Variants in TBC1D19 observed in about 807,000 individuals in gnomAD.
TBC1D19 encodes TBC1 domain family, member 19.
Under a neutral mutation model 89.0 loss-of-function variants are expected in TBC1D19, and 60 were observed. That is an observed-to-expected ratio of 0.67 (90% CI 0.55 to 0.84). The LOEUF (loss-of-function observed/expected upper bound fraction) is 0.84, where lower values mean the gene tolerates loss of function less well. Among genes scored for constraint, TBC1D19 ranks in the 40% least tolerant of loss-of-function variants. The probability of loss-of-function intolerance (pLI) is 0.00; values close to 1 mark genes in which losing one functional copy is unlikely to be tolerated. For missense variants in TBC1D19, 500 were observed against 610.8 expected (o/e 0.82, Z 1.91); for synonymous variants, 189 against 199.7 (o/e 0.95, Z 0.45).
rs1173641270 is a variant in TBC1D19 at position 26,604,148 on chromosome 4, CTTTTTTTT to C, written c.100-9005_100-8998del. Among the ~76,000 whole-genome samples the C allele has an allele frequency of 5.7e-3, 694 of 120,700 alleles. 5 individuals carry two copies. The highest frequency in any genetic ancestry group is 0.025 in the African/African-American group (674 of 27,506). 79.2% of individuals were successfully genotyped at this position (120,700 alleles called of 152,430 possible). On this transcript the variant is annotated intron_variant, in intron 1 of 20. Transcript: ENST00000264866. Reference sequence around the variant, plus strand: ...TAACATGTGTCAGAATTTTCTTTTTCTTTTTTTTTTTTTTTTTTTTTTTGAGACGGAGT... The same window carrying C: ...TAACATGTGTCAGAATTTTCTTTTTCTTTTTTTTTTTTTTTGAGACGGAGT...
upstream of TBC1D19, among the ~76,000 whole-genome samples, chr4:26,583,031 T>C (rs567673452): frequency 2.6e-5 from 4 of 152,240 alleles, no homozygotes; most frequent in Non-Finnish European, 5.9e-5. Context: ...CTACATTTGA[T>C]TGAATGAGAT....
At chr4:26,577,097 G>T (rs1476086226) in intron 1 of TBC1D19, among the ~76,000 whole-genome samples, 1 of 152,180 alleles carries the variant, frequency 6.6e-6, no homozygotes, top group Non-Finnish European at 1.5e-5. Flanking sequence ...CTTCCTTAAA[G>T]CTGGAACATA....
intron 15 of TBC1D19, among the ~76,000 whole-genome samples, chr4:26,723,384 C>T (rs1422652658): frequency 6.6e-6 from 1 of 152,152 alleles, no homozygotes; most frequent in Non-Finnish European, 1.5e-5. Flanking sequence ...ACTACTACCA[C>T]CAAAACTGTT....
intron 7 of TBC1D19, among the ~76,000 whole-genome samples, chr4:26,655,975 C>T (rs544951800): frequency 1.8e-3 from 271 of 152,278 alleles, no homozygotes; most frequent in African/African-American, 6.2e-3. Context: ...ACGCTGGGAG[C>T]TGTAGACTGG....
rs192140941 is a variant in TBC1D19 at position 26,632,926 on chromosome 4, G to T, written c.295-4285G>T. ...TGGAAGCAGTCATCTCCATCAAGTT[G>T]TTTTTAATTAACTTCCTCTGGTGTG... On this transcript the variant is annotated intron_variant, in intron 4 of 20. Transcript: ENST00000264866. 1.9e-4 allele frequency among the ~76,000 whole-genome samples: 29 copies of T among 152,198 alleles called. No individual in the cohort carries two copies. In the East Asian group the frequency reaches 5.2e-3, roughly 27 times the overall value.
the TBC1D19 span, among the ~76,000 whole-genome samples, chr4:26,796,782 G>T: frequency 6.6e-6 from 1 of 152,098 alleles, no homozygotes; most frequent in Non-Finnish European, 1.5e-5. Context: ...TTTCAAATAG[G>T]ATGAAAATGA....
At chr4:26,812,404 C>T in the TBC1D19 span, among the ~76,000 whole-genome samples, 2 of 152,156 alleles carry the variant, frequency 1.3e-5, no homozygotes, top group Non-Finnish European at 2.9e-5. The surrounding 1 kb of genome is among the most constrained non-coding windows in gnomAD (Gnocchi z 4.2). Context: ...TTACCATGAA[C>T]GATCCCCACG....
chr4:26,638,478 T>C (rs1301903845), intron 5 of TBC1D19, among the ~76,000 whole-genome samples: 2 of 152,176 alleles, frequency 1.3e-5, no homozygotes, highest in African/African-American at 2.4e-5. Context: ...AGAAGTAGTA[T>C]GTGGCTGAGG....
chr4:26,745,365 C>A (rs1718592205), intron 18 of TBC1D19, among the ~76,000 whole-genome samples: 1 of 151,534 alleles, frequency 6.6e-6, no homozygotes, highest in Admixed American at 6.6e-5. Flanking sequence ...TCCATGTTCT[C>A]TTTATTCCTT....
chr4:26,776,874 T>C, the TBC1D19 span, among the ~76,000 whole-genome samples: 1 of 152,184 alleles, frequency 6.6e-6, no homozygotes, highest in Non-Finnish European at 1.5e-5. Flanking sequence ...AAGGATTTTT[T>C]TCCTTTTCAT....
At chr4:26,640,086 A>C (rs1743396095) in intron 6 of TBC1D19, 55 bp from the exon 7 acceptor site, 1 of 1,183,800 alleles carries the variant, frequency 8.4e-7, no homozygotes, top group South Asian at 1.3e-5. Context: ...CATTTATTTA[A>C]TAAGCCTTCA....
chr4:26,614,391 C>A lies in TBC1D19; in HGVS notation c.173-17C>A. 6.4e-7 allele frequency: 1 copy of A among 1,551,904 alleles called. No homozygotes were observed. Among genetic ancestry groups the A allele is most frequent in the South Asian group, 1.2e-5 (1 of 81,578 alleles). On this transcript the variant is annotated splice_polypyrimidine_tract_variant and intron_variant, in intron 2 of 20. Coordinates refer to ENST00000264866, the MANE Select transcript of TBC1D19 (RefSeq NM_018317.4). The stretch of plus-strand genomic sequence containing the variant: ...AACTAGTATGTTCATATATTTTATT[C>A]TTTTTTTAAAAAACAGGTTGGGAGA...
the TBC1D19 span, among the ~76,000 whole-genome samples, chr4:26,778,983 C>T: frequency 6.6e-6 from 1 of 152,174 alleles, no homozygotes; most frequent in African/African-American, 2.4e-5. Context: ...TGGAGCATAG[C>T]ATATGTTAAA....
intron 1 of TBC1D19, among the ~76,000 whole-genome samples, chr4:26,585,694 C>T (rs1739370708): frequency 6.6e-6 from 1 of 151,958 alleles, no homozygotes; most frequent in Non-Finnish European, 1.5e-5. Context: ...AGTGATCCTC[C>T]CGCCTTCGCC....
In TBC1D19 at chr4:26,719,930, T is replaced by G. The variant is rs981142601; in HGVS notation, c.1040-151T>G. 5.0e-4 allele frequency: 265 copies of G among 524,930 alleles called. 2 individuals are homozygous for G. Among genetic ancestry groups the G allele is most frequent in the Admixed American group, 1.2e-4 (3 of 24,574 alleles). 32.5% of individuals were successfully genotyped at this position (524,930 alleles called of 1,614,324 possible). A position where few individuals can be genotyped will look rare whatever the true frequency, so the allele number is the denominator to read the frequency against. ...TTGCTAATACCAAAAGATTGGCTGG[T>G]ACATTTTTAAGTTAATTTCATATCA... On this transcript the variant is annotated intron_variant, in intron 14 of 20. Coordinates refer to ENST00000264866, the MANE Select transcript of TBC1D19 (RefSeq NM_018317.4).
the TBC1D19 span, among the ~76,000 whole-genome samples, chr4:26,784,872 TA>T: frequency 1.3e-5 from 2 of 152,246 alleles, no homozygotes; most frequent in Non-Finnish European, 2.9e-5. Context: ...ACATTCATAC[TA>T]AATCCCAGCT....
At chr4:26,721,982 C>G (rs1259721722) in intron 15 of TBC1D19, among the ~76,000 whole-genome samples, 1 of 152,068 alleles carries the variant, frequency 6.6e-6, no homozygotes, top group Non-Finnish European at 1.5e-5. Flanking sequence ...AAGGGCCCTT[C>G]CTCTAGACTC....
At chr4:26,585,055 TTG>T (rs1369114566) in intron 1 of TBC1D19, 2 of 272,174 alleles carry the variant, frequency 7.3e-6, no homozygotes, top group Non-Finnish European at 1.5e-5. Context: ...GTGAAGGGCA[TTG>T]GGTTGCTTTC....
At chr4:26,604,283 A>AG (rs1314737257) in intron 1 of TBC1D19, among the ~76,000 whole-genome samples, 1 of 148,230 alleles carries the variant, frequency 6.7e-6, no homozygotes, top group Admixed American at 6.8e-5. Flanking sequence ...CCTCCCGAGT[A>AG]CTGGGACTAC....
Sources: allele counts gnomAD v4.1 joint callset (sites outside exome capture counted in the v4.1 genomes callset), GRCh38; gene constraint gnomAD v4.1.1; non-coding constraint Gnocchi (gnomAD v3.1); transcripts MANE v1.5; gene names NCBI Gene and HGNC (gene_info 2026-07-23, HGNC 2026-07-21).